Variants in AGO3 observed in about 807,000 individuals in gnomAD.
AGO3 encodes the protein protein argonaute-3.
In AGO3, 16 loss-of-function variants were observed where a neutral mutation model predicts 105.5. The observed-to-expected ratio is 0.15, with a 90% confidence interval of 0.10 to 0.23. The LOEUF is 0.23. AGO3 is among the 10% of genes least tolerant of loss of function. The pLI is 1.00. For synonymous variants in AGO3, 340 were observed against 367.3 expected (o/e 0.93, Z 0.85); for missense variants, 534 against 1,088.0 (o/e 0.49, Z 7.16).
chr1:35,973,406 G>C lies in AGO3; in HGVS notation c.553G>C (p.Ala185Pro). ...YTPVGRSFFS[A>P]PEGYDHPLGG... Reference sequence around the variant, plus strand: ...ACCTGTGGGGCGTTCATTTTTCTCCGCTCCAGAAGGATATGACCACCCTCT... The same window carrying C: ...ACCTGTGGGGCGTTCATTTTTCTCCCCTCCAGAAGGATATGACCACCCTCT... Residue 185 changes from alanine to proline, a missense_variant, in exon 5 of 19, where the codon GCT (alanine) becomes CCT (proline). Coordinates refer to ENST00000373191, the MANE Select transcript of AGO3 (RefSeq NM_024852.4). The C allele has an allele frequency of 1.3e-6, 2 of 1,583,326 alleles. No homozygotes were observed. Among genetic ancestry groups the C allele is most frequent in the South Asian group, 2.3e-5 (2 of 86,598 alleles).
intron 5 of AGO3, among the ~76,000 whole-genome samples, chr1:35,979,617 GTTTC>G (rs756527306): frequency 7.2e-5 from 11 of 151,944 alleles, no homozygotes; most frequent in Non-Finnish European, 1.3e-4. Context: ...ATATCTTTCT[GTTTC>G]TTCTTTTATC....
chr1:35,938,503 A>T (rs916772245), intron 1 of AGO3, among the ~76,000 whole-genome samples: 36 of 152,228 alleles, frequency 2.4e-4, no homozygotes, highest in Admixed American at 2.3e-3. Context: ...TCCACTTAGT[A>T]ATGTGTCGTA....
At chr1:36,014,129 T>C (rs1466198130) in intron 11 of AGO3, 81 bp downstream of exon 11, 1 of 1,570,058 alleles carries the variant, frequency 6.4e-7, no homozygotes, top group African/African-American at 1.4e-5. Context: ...TAACAGATGT[T>C]GCCTTAATAT....
intron 5 of AGO3, among the ~76,000 whole-genome samples, chr1:35,986,524 A>G (rs1229277536): frequency 1.3e-5 from 2 of 152,004 alleles, no homozygotes; most frequent in African/African-American, 2.4e-5. Flanking sequence ...CCCCATCTCT[A>G]CGTAAAATAC....
rs1643112386 is a variant in AGO3, at chr1:36,067,704, TAGAAAACACCA to T, written c.*11962_*11972del. On this transcript the variant is annotated 3_prime_UTR_variant, in exon 19 of 19. Coordinates refer to ENST00000373191, the MANE Select transcript of AGO3 (RefSeq NM_024852.4). The stretch of plus-strand genomic sequence containing the variant: ...AACATGTTTGGTTTTCCCCTTTAAA[TAGAAAACACCA>T]AGCAGGGCCTTTCCAGACAAGGTAG... The T allele has an allele frequency of 6.6e-6, 1 of 151,608 alleles. No individual in the cohort carries two copies. Among genetic ancestry groups the T allele is most frequent in the Non-Finnish European group, 1.5e-5 (1 of 67,942 alleles). The allele number at this position is 151,608 out of a possible 1,614,324, so 9.4% of individuals were successfully genotyped here.
intron 2 of AGO3, among the ~76,000 whole-genome samples, chr1:35,953,052 T>C (rs1243647982): frequency 1.3e-5 from 2 of 152,192 alleles, no homozygotes; most frequent in Non-Finnish European, 2.9e-5. Flanking sequence ...ACATTTTCAT[T>C]TATGTTGGAT....
chr1:35,954,400 A>G (rs1321390670), intron 2 of AGO3, among the ~76,000 whole-genome samples: 1 of 152,184 alleles, frequency 6.6e-6, no homozygotes, highest in African/African-American at 2.4e-5. Context: ...ACCAACATCT[A>G]TTTGTGTAGA....
chr1:35,968,508 A>G (rs1019071787), intron 3 of AGO3, among the ~76,000 whole-genome samples: 1 of 152,116 alleles, frequency 6.6e-6, no homozygotes, highest in African/African-American at 2.4e-5. Context: ...TAGGTACCTC[A>G]TGTAAGTGAA....
chr1:36,039,350 T>C (rs1329231246), intron 14 of AGO3, among the ~76,000 whole-genome samples: 1 of 151,758 alleles, frequency 6.6e-6, no homozygotes, highest in Non-Finnish European at 1.5e-5. Flanking sequence ...AAAAATTAGC[T>C]GGGGGTGGTG....
At chr1:36,014,794 C>G (rs961947026) in intron 11 of AGO3, among the ~76,000 whole-genome samples, 5 of 148,020 alleles carry the variant, frequency 3.4e-5, no homozygotes, top group Admixed American at 6.8e-5. Context: ...AAAAAAACTT[C>G]TCAATAGTTC....
chr1:35,972,308 C>T, intron 4 of AGO3, 76 bp downstream of exon 4: 1 of 1,439,626 alleles, frequency 6.9e-7, no homozygotes, highest in Admixed American at 2.0e-5. Flanking sequence ...CTTGGTTAAA[C>T]CTTTATTTGT....
At chr1:35,967,337 A>C (rs1429198250) in intron 3 of AGO3, among the ~76,000 whole-genome samples, 1 of 151,962 alleles carries the variant, frequency 6.6e-6, no homozygotes, top group Non-Finnish European at 1.5e-5. Flanking sequence ...TCTCTTGTAC[A>C]TACATACTTA....
intron 1 of AGO3, among the ~76,000 whole-genome samples, chr1:35,941,115 A>G (rs1272595029): frequency 5.3e-5 from 8 of 152,168 alleles, no homozygotes; most frequent in Admixed American, 2.6e-4. Flanking sequence ...CAAACTTGCT[A>G]CTATCACTGA....
chr1:35,938,447 C>T (rs954721824), intron 1 of AGO3, among the ~76,000 whole-genome samples: 1 of 152,142 alleles, frequency 6.6e-6, no homozygotes, highest in Non-Finnish European at 1.5e-5. Flanking sequence ...GACATCCATC[C>T]GTCTGTCCAT....
chr1:35,983,660 A>G (rs938605755), intron 5 of AGO3, among the ~76,000 whole-genome samples: 5 of 152,178 alleles, frequency 3.3e-5, no homozygotes, highest in Non-Finnish European at 5.9e-5. Context: ...TCAGCCCTCG[A>G]AACAACTTTC....
Position 35,976,630 on chromosome 1 carries a change from T to A in AGO3, c.658+3119T>A, listed in dbSNP as rs1413586432. 1.3e-5 allele frequency among the ~76,000 whole-genome samples: 2 copies of A among 152,198 alleles called. 1 individual carries two copies. Among genetic ancestry groups the A allele is most frequent in the Non-Finnish European group, 2.9e-5 (2 of 68,034 alleles). On this transcript the variant is annotated intron_variant, in intron 5 of 18. Transcript: ENST00000373191. ...TAAGGAATATCTGTTTCTTATTAAG[T>A]ACGTTTATCAAGAGTATGTGTTAAA...
At chr1:36,033,286 G>A (rs531631367) in intron 12 of AGO3, among the ~76,000 whole-genome samples, 1 of 151,720 alleles carries the variant, frequency 6.6e-6, no homozygotes, top group Non-Finnish European at 1.5e-5. Flanking sequence ...GCAGTGAGCT[G>A]AGATCGCGCC....
In AGO3 at chr1:36,020,351, A is replaced by G. The variant is rs76052606; in HGVS notation, c.1406+6303A>G. Among the ~76,000 whole-genome samples the G allele has an allele frequency of 2.8e-3, 429 of 152,344 alleles. 3 individuals are homozygous for G. Among genetic ancestry groups the G allele is most frequent in the African/African-American group, 9.3e-3 (386 of 41,570 alleles). Reference sequence around the variant, plus strand: ...TAGTTTCAGTACTGACTGAGTTAGCATGAAAATCTGGCCAAGTATTTTCTT... The same window carrying G: ...TAGTTTCAGTACTGACTGAGTTAGCGTGAAAATCTGGCCAAGTATTTTCTT... On this transcript the variant is annotated intron_variant, in intron 11 of 18. Coordinates refer to ENST00000373191, the MANE Select transcript of AGO3 (RefSeq NM_024852.4).
rs373658849 is a variant in AGO3, at chr1:35,990,272, G to A, written c.659-14069G>A. On this transcript the variant is annotated intron_variant, in intron 5 of 18. Transcript: ENST00000373191. ...GCCTGTAATCCCAGCACTTTGGGAG[G>A]CCGAGGGGGGTGGATCACGAGGTCA... 2.0e-5 allele frequency among the ~76,000 whole-genome samples: 3 copies of A among 152,312 alleles called. No individual in the cohort carries two copies. In the East Asian group the frequency reaches 5.8e-4, roughly 29 times the overall value.
Sources: gnomAD v4.1 joint callset for allele counts (sites outside exome capture counted in the v4.1 genomes callset) on GRCh38, gnomAD v4.1.1 for gene constraint, MANE v1.5 for transcripts, NCBI Gene and HGNC (gene_info 2026-07-23, HGNC 2026-07-21) for gene names.